Variants in ZSWIM3 observed in about 807,000 individuals in gnomAD.
ZSWIM3 encodes zinc finger SWIM-type containing 3, also known as zinc finger SWIM domain-containing protein 3.
In ZSWIM3, 27 loss-of-function variants were observed where a neutral mutation model predicts 47.5. That is an observed-to-expected ratio of 0.57 (90% confidence interval 0.42 to 0.78). ZSWIM3 has a LOEUF of 0.78. Ranked by LOEUF, ZSWIM3 falls within the 30% of genes least tolerant of loss-of-function variation. ZSWIM3 has a pLI of 0.00. For synonymous variants in ZSWIM3, 333 were observed against 333.9 expected (o/e 1.00, Z 0.03); for missense variants, 689 against 861.3 (o/e 0.80, Z 2.50).
intron 1 of ZSWIM3, chr20:45,872,933 T>G: frequency 8.7e-7 from 1 of 1,149,238 alleles, no homozygotes; most frequent in Non-Finnish European, 1.1e-6. Context: ...CCAGCTGGAT[T>G]AGAGTATTTG....
At position 45,878,208 on chromosome 20, in the gene ZSWIM3, C is replaced by G; in HGVS notation, c.1650C>G (p.Ser550Arg). 3 of 1,614,250 alleles carry G rather than the reference C, an allele frequency of 1.9e-6. No homozygotes were observed. Among genetic ancestry groups the G allele is most frequent in the Non-Finnish European group, 2.5e-6 (3 of 1,180,046 alleles). ...HQVSKDGCSC[S>R]CSFQQWYHLP... Reference sequence around the variant, plus strand: ...TTAGCAAAGATGGCTGTAGCTGCAGCTGTTCCTTTCAACAATGGTACCACC... The same window carrying G: ...TTAGCAAAGATGGCTGTAGCTGCAGGTGTTCCTTTCAACAATGGTACCACC... Residue 550 changes from serine (S) to arginine (R), a missense_variant, in exon 2 of 2, where the codon AGC becomes AGG. Coordinates refer to ENST00000255152, the MANE Select transcript of ZSWIM3 (RefSeq NM_080752.4).
rs1015269091 is a variant in ZSWIM3 at position 45,857,814 on chromosome 20, G to T, written c.-12G>T. On this transcript the variant is annotated 5_prime_UTR_variant, in exon 1 of 2. Coordinates refer to ENST00000255152, the MANE Select transcript of ZSWIM3 (RefSeq NM_080752.4). ...CTGGGACCAGCCCCTAGTGTGGGTT[G>T]TGGGGGCGGCCATGGAGCTGGGCAG... is the stretch of plus-strand genomic sequence containing the variant. 3.0e-5 allele frequency: 49 copies of T among 1,613,302 alleles called. No individual in the cohort carries two copies. Among genetic ancestry groups the T allele is most frequent in the Non-Finnish European group, 4.1e-5 (48 of 1,179,554 alleles).
chr20:45,878,665 G>A lies in ZSWIM3; in HGVS notation c.*16G>A, dbSNP rs1313706944. The A allele has an allele frequency of 2.4e-5, 38 of 1,588,742 alleles. No individual in the cohort carries two copies. Among genetic ancestry groups the A allele is most frequent in the Non-Finnish European group, 3.1e-5 (36 of 1,164,062 alleles). On this transcript the variant is annotated 3_prime_UTR_variant, in exon 2 of 2. Transcript: ENST00000255152. ...GCATTATTGAAGCACTTTAGCTGAA[G>A]CATTGGACCACAAACACTTCTCCTT...
At chr20:45,860,832 A>G (rs915203935) in intron 1 of ZSWIM3, among the ~76,000 whole-genome samples, 20 of 152,324 alleles carry the variant, frequency 1.3e-4, no homozygotes, top group African/African-American at 4.6e-4. Flanking sequence ...CATGTAACCT[A>G]ACGTATTCAC....
intron 1 of ZSWIM3, among the ~76,000 whole-genome samples, chr20:45,868,635 G>A (rs369797972): frequency 6.6e-6 from 1 of 151,714 alleles, no homozygotes. Flanking sequence ...CACTCGCCTC[G>A]GTCTCCCAAA....
rs763335059 is a variant in ZSWIM3, at chr20:45,878,697, G to A, written c.*48G>A. The A allele has an allele frequency of 1.3e-6, 2 of 1,557,324 alleles. No homozygotes were observed. Among genetic ancestry groups the A allele is most frequent in the Non-Finnish European group, 1.7e-6 (2 of 1,150,642 alleles). On this transcript the variant is annotated 3_prime_UTR_variant, in exon 2 of 2. Transcript: ENST00000255152. ...ACCACAAACACTTCTCCTTGGAAGT[G>A]TGAGAGTTTAAAGTGGGCAGGACAT...
chr20:45,866,468 G>A (rs1189575737), intron 1 of ZSWIM3, among the ~76,000 whole-genome samples: 1 of 151,934 alleles, frequency 6.6e-6, no homozygotes, highest in East Asian at 1.9e-4. Flanking sequence ...TTAACCTCTT[G>A]ACACAGTTTC....
intron 1 of ZSWIM3, among the ~76,000 whole-genome samples, chr20:45,862,878 C>G (rs979116276): frequency 2.6e-5 from 4 of 152,152 alleles, no homozygotes; most frequent in Admixed American, 6.6e-5. Flanking sequence ...TCAAGTGATC[C>G]TCCCTCCTCG....
rs1050775661 is a variant in ZSWIM3 at position 45,879,041 on chromosome 20, A to G, written c.*392A>G. 5.7e-6 allele frequency: 1 copy of G among 174,188 alleles called. No individual in the cohort carries two copies. The highest frequency in any genetic ancestry group is 2.4e-5 in the African/African-American group (1 of 42,174). 10.8% of individuals were successfully genotyped at this position (174,188 alleles called of 1,614,324 possible). A position where few individuals can be genotyped will look rare whatever the true frequency, so the allele number is the denominator to read the frequency against. On this transcript the variant is annotated 3_prime_UTR_variant, in exon 2 of 2. Coordinates refer to ENST00000255152, the MANE Select transcript of ZSWIM3 (RefSeq NM_080752.4). Reference sequence around the variant, plus strand: ...TTCAGGGACAAAGGGAATGAGGATGATCTTTGGCTGTTGCTGCTCTTTATG... The same window carrying G: ...TTCAGGGACAAAGGGAATGAGGATGGTCTTTGGCTGTTGCTGCTCTTTATG...
At position 45,857,855 on chromosome 20, in the gene ZSWIM3, T is replaced by C. The variant is rs1218973953; in HGVS notation, c.30T>C (p.Tyr10=). 2 of 1,613,996 alleles carry C rather than the reference T, an allele frequency of 1.2e-6. No individual in the cohort carries two copies. Among genetic ancestry groups the C allele is most frequent in the Non-Finnish European group, 1.7e-6 (2 of 1,179,990 alleles). Residue 10 remains tyrosine, a synonymous_variant, in exon 1 of 2, where the codon TAT becomes TAC. Transcript: ENST00000255152. ...AGCTGGGCAGCTGCTTCAAGACCTA[T>C]GAGGACTTCAAGGAGTGCTTCAGCG... is the stretch of plus-strand genomic sequence containing the variant. MELGSCFKT[Y]EDFKECFSAY...
In ZSWIM3 at chr20:45,877,524, A is replaced by C. The variant is rs1329058136; in HGVS notation, c.966A>C (p.Ser322=). The change falls in exon 2 of 2, where the codon TCA becomes TCC. Residue 322 remains serine (S), a synonymous_variant. Coordinates refer to ENST00000255152, the MANE Select transcript of ZSWIM3 (RefSeq NM_080752.4). ...RLLEKKLHRS[S]ANPSFKRLMK... is the part of the protein sequence containing the mutation. ...TGGAGAAGAAGTTGCATCGTAGTTC[A>C]GCAAATCCATCCTTTAAAAGGCTCA... 6 of 1,614,206 alleles carry C rather than the reference A, an allele frequency of 3.7e-6. No individual in the cohort carries two copies. Among genetic ancestry groups the C allele is most frequent in the Non-Finnish European group, 5.1e-6 (6 of 1,180,030 alleles).
At chr20:45,871,211 G>A (rs1985967583) in intron 1 of ZSWIM3, among the ~76,000 whole-genome samples, 3 of 152,128 alleles carry the variant, frequency 2.0e-5, no homozygotes, top group African/African-American at 4.8e-5. Context: ...CCTTCAAGAT[G>A]GGGACATGGT....
chr20:45,875,014 T>TG (rs1209447375), intron 1 of ZSWIM3, among the ~76,000 whole-genome samples: 51 of 148,912 alleles, frequency 3.4e-4, no homozygotes, highest in Admixed American at 7.5e-4. Flanking sequence ...TGCCCTGATT[T>TG]GGGGGGGGTT....
intron 1 of ZSWIM3, among the ~76,000 whole-genome samples, chr20:45,867,001 AAT>A (rs1491576324): frequency 7.6e-6 from 1 of 131,176 alleles, no homozygotes; most frequent in Non-Finnish European, 1.6e-5. Context: ...TCAAGTTAGA[AAT>A]TTTTTTTTTT....
chr20:45,870,384 T>C (rs1347192791), intron 1 of ZSWIM3, among the ~76,000 whole-genome samples: 1 of 151,588 alleles, frequency 6.6e-6, no homozygotes, highest in African/African-American at 2.4e-5. Context: ...TTTCCTGTCA[T>C]GTTTCTTTGT....
At position 45,876,944 on chromosome 20, in the gene ZSWIM3, C is replaced by T. The variant is rs1185715172; in HGVS notation, c.386C>T (p.Pro129Leu). 1.9e-6 allele frequency: 3 copies of T among 1,614,018 alleles called. No individual in the cohort carries two copies. The highest frequency in any genetic ancestry group is 2.2e-5 in the East Asian group (1 of 44,906). ...QKTMCLQRLQ[P>L]VQPTTKKDLD... The stretch of plus-strand genomic sequence containing the variant: ...ACAATGTGCCTGCAGAGACTCCAGC[C>T]TGTGCAGCCCACAACCAAAAAAGAC... The change falls in exon 2 of 2, where the codon CCT becomes CTT. Residue 129 changes from proline (P) to leucine (L), a missense_variant. By Grantham distance (98) the Pro-to-Leu change is moderately conservative. Coordinates refer to ENST00000255152, the MANE Select transcript of ZSWIM3 (RefSeq NM_080752.4).
chr20:45,863,065 A>G (rs1171057307), intron 1 of ZSWIM3, among the ~76,000 whole-genome samples: 1 of 152,062 alleles, frequency 6.6e-6, no homozygotes, highest in African/African-American at 2.4e-5. Context: ...CTATTTAGAC[A>G]TAGCCTTCTG....
intron 1 of ZSWIM3, among the ~76,000 whole-genome samples, chr20:45,859,754 C>T (rs1985654990): frequency 8.1e-6 from 1 of 123,214 alleles, no homozygotes; most frequent in African/African-American, 3.0e-5. Context: ...GGACCTTGTC[C>T]TTTATGGGTA....
intron 1 of ZSWIM3, chr20:45,872,810 A>G: frequency 2.3e-6 from 3 of 1,288,828 alleles, no homozygotes; most frequent in Non-Finnish European, 3.0e-6. Flanking sequence ...CCACCCCCGC[A>G]CTGTGCACAC....
Sources: allele counts gnomAD v4.1 joint callset (sites outside exome capture counted in the v4.1 genomes callset), GRCh38; gene constraint gnomAD v4.1.1; transcripts MANE v1.5; gene names NCBI Gene and HGNC (gene_info 2026-07-23, HGNC 2026-07-21).